Variants in SETD3 observed in about 807,000 individuals in gnomAD.
SETD3 encodes the protein actin-histidine N-methyltransferase.
A neutral mutation model predicts 63.0 loss-of-function variants in SETD3; 19 were observed. The observed-to-expected ratio is 0.30, with a 90% CI of 0.21 to 0.44. SETD3 has a LOEUF of 0.44. SETD3 is among the 20% of genes least tolerant of loss of function. The probability of loss-of-function intolerance (pLI) is 1.00; values close to 1 mark genes in which losing one functional copy is unlikely to be tolerated. For synonymous variants in SETD3, 286 were observed against 264.1 expected (o/e 1.08, Z -0.80); for missense variants, 587 against 728.5 (o/e 0.81, Z 2.24).
chr14:99,409,608 C>T (rs1383674732), intron 8 of SETD3, among the ~76,000 whole-genome samples: 4 of 151,666 alleles, frequency 2.6e-5, no homozygotes, highest in Non-Finnish European at 4.4e-5. Flanking sequence ...AGGAAGAGCA[C>T]GATATACATA....
chr14:99,433,925 G>C (rs957829185), intron 6 of SETD3, among the ~76,000 whole-genome samples: 1 of 152,160 alleles, frequency 6.6e-6, no homozygotes, highest in African/African-American at 2.4e-5. Flanking sequence ...TGAGGGAGTA[G>C]AGCAACTAGG....
chr14:99,481,177 C>T, upstream of SETD3: 1 of 378,892 alleles, frequency 2.6e-6, no homozygotes, highest in Non-Finnish European at 4.7e-6. Flanking sequence ...TCGGTTGCTC[C>T]AGAATGCCTT....
At chr14:99,423,918 A>C (rs1233686705) in intron 6 of SETD3, among the ~76,000 whole-genome samples, 1 of 152,052 alleles carries the variant, frequency 6.6e-6, no homozygotes, top group African/African-American at 2.4e-5. Flanking sequence ...TTCTTCATTA[A>C]ATGCTCTACT....
intron 6 of SETD3, among the ~76,000 whole-genome samples, chr14:99,443,028 C>G (rs1893920751): frequency 6.6e-6 from 1 of 152,134 alleles, no homozygotes; most frequent in Non-Finnish European, 1.5e-5. Flanking sequence ...CCCCTTTGAG[C>G]CTCATTTTCT....
chr14:99,405,233 C>T lies in SETD3; in HGVS notation c.1063G>A (p.Glu355Lys), dbSNP rs1425852578. The change falls in exon 10 of 13, where the codon GAG (glutamate) becomes AAG (lysine). Residue 355 changes from glutamate (E) to lysine (K), a missense_variant. Glu to Lys is a moderately conservative substitution (Grantham distance 56). Coordinates refer to ENST00000331768, the MANE Select transcript of SETD3 (RefSeq NM_032233.3). ...KSDRLYAMKA[E>K]VLARAGIPTS... ...GGGATGCCGGCACGAGCCAAGACCT[C>T]GGCCTTCATGGCGTAGAGTCTGTCA... The T allele has an allele frequency of 7.4e-6, 12 of 1,613,802 alleles. No homozygotes were observed. Among genetic ancestry groups the T allele is most frequent in the Admixed American group, 5.0e-5 (3 of 59,960 alleles).
At chr14:99,409,051 G>A (rs1891833358) in intron 8 of SETD3, among the ~76,000 whole-genome samples, 2 of 152,326 alleles carry the variant, frequency 1.3e-5, no homozygotes, top group South Asian at 4.1e-4. Flanking sequence ...CAGACTAGGA[G>A]AGGAGGGGTT....
intron 10 of SETD3, among the ~76,000 whole-genome samples, chr14:99,404,545 T>C (rs1240381620): frequency 6.6e-6 from 1 of 152,202 alleles, no homozygotes; most frequent in Non-Finnish European, 1.5e-5. Flanking sequence ...CACAAGCTTT[T>C]CCTAGAGCCT....
chr14:99,477,268 T>C (rs1896020602), intron 1 of SETD3, among the ~76,000 whole-genome samples: 1 of 152,206 alleles, frequency 6.6e-6, no homozygotes, highest in South Asian at 2.1e-4. Context: ...TTCAAATTTA[T>C]CTCAGTCGAA....
chr14:99,483,758 A>G (rs1896414407), upstream of SETD3, among the ~76,000 whole-genome samples: 1 of 152,254 alleles, frequency 6.6e-6, no homozygotes, highest in Non-Finnish European at 1.5e-5. Context: ...AAATTACCAA[A>G]CCCGAAATGT....
chr14:99,405,772 C>T (rs911805093), intron 9 of SETD3, among the ~76,000 whole-genome samples: 3 of 152,214 alleles, frequency 2.0e-5, no homozygotes, highest in South Asian at 2.1e-4. Context: ...CCTTTTAATA[C>T]AGCAGGGTCT....
At chr14:99,480,059 G>GGCACTGCGCGTGTGGA (rs1325714251) in intron 1 of SETD3, among the ~76,000 whole-genome samples, 16 of 151,906 alleles carry the variant, frequency 1.1e-4, no homozygotes, top group African/African-American at 4.8e-5. Context: ...TCCCTAGTAG[G>GGCACTGCGCGTGTGGA]GCACTGCGCG....
chr14:99,405,000 T>C (rs1566872797), intron 10 of SETD3, among the ~76,000 whole-genome samples: 1 of 152,246 alleles, frequency 6.6e-6, no homozygotes, highest in Non-Finnish European at 1.5e-5. Context: ...TGACTGTGAA[T>C]GCGCCCAACG....
At chr14:99,479,211 G>A (rs1217242519) in intron 1 of SETD3, among the ~76,000 whole-genome samples, 1 of 152,224 alleles carries the variant, frequency 6.6e-6, no homozygotes, top group Non-Finnish European at 1.5e-5. Context: ...GAAAGGGGTA[G>A]CAGAAGGCTA....
At chr14:99,431,300 C>T (rs1398222921) in intron 6 of SETD3, among the ~76,000 whole-genome samples, 1 of 152,186 alleles carries the variant, frequency 6.6e-6, no homozygotes, top group Non-Finnish European at 1.5e-5. Context: ...ATTGGCAACC[C>T]CATTACCACA....
At chr14:99,461,095 TC>T in intron 4 of SETD3, 96 bp downstream of exon 4, 1 of 1,415,990 alleles carries the variant, frequency 7.1e-7, no homozygotes, top group Non-Finnish European at 9.6e-7. Flanking sequence ...GAACTAGAAC[TC>T]CCCCACCACA....
At chr14:99,434,846 T>TAA (rs1566706239) in intron 6 of SETD3, among the ~76,000 whole-genome samples, 2 of 18,930 alleles carry the variant, frequency 1.1e-4, no homozygotes, top group African/African-American at 3.0e-4. Flanking sequence ...AAACTCTGCC[T>TAA]CAAAAAAAAA....
intron 11 of SETD3, 146 bp downstream of exon 11, chr14:99,404,079 C>A (rs942419752): frequency 3.4e-5 from 19 of 558,362 alleles, no homozygotes; most frequent in African/African-American, 5.7e-5. Flanking sequence ...AAATCTATTT[C>A]TTCTTTCTCC....
At position 99,480,808 on chromosome 14, in the gene SETD3, T is replaced by TGGCGGCGGTGGCGGCGGC. The variant is rs1555365280; in HGVS notation, c.-107_-90dup. 6.2e-6 allele frequency: 1 copy of TGGCGGCGGTGGCGGCGGC among 161,752 alleles called. No individual in the cohort carries two copies. The highest frequency in any genetic ancestry group is 2.4e-5 in the African/African-American group (1 of 41,292). 10.0% of individuals were successfully genotyped at this position (161,752 alleles called of 1,614,324 possible). A position where few individuals can be genotyped will look rare whatever the true frequency, so the allele number is the denominator to read the frequency against. On this transcript the variant is annotated 5_prime_UTR_variant, in exon 1 of 13. Coordinates refer to ENST00000331768, the MANE Select transcript of SETD3 (RefSeq NM_032233.3). The stretch of plus-strand genomic sequence containing the variant: ...TCCGCCTCAACCAACCCCCAGGCGG[T>TGGCGGCGGTGGCGGCGGC]GGCGGCGGTGGCGGCGGCGGCGGCC...
chr14:99,458,634 G>GT, intron 5 of SETD3, 99 bp from the exon 6 acceptor site: 7 of 1,411,538 alleles, frequency 5.0e-6, no homozygotes, highest in Non-Finnish European at 6.6e-6. Flanking sequence ...AAAAGGTCTT[G>GT]TAACATTTAA....
Sources: gnomAD v4.1 joint callset for allele counts (sites outside exome capture counted in the v4.1 genomes callset) on GRCh38, gnomAD v4.1.1 for gene constraint, MANE v1.5 for transcripts, NCBI Gene and HGNC (gene_info 2026-07-23, HGNC 2026-07-21) for gene names.